The following CREBRF variants were observed in gnomAD, a reference collection of about 807,000 sequenced individuals.
The protein encoded by CREBRF is CREB3 regulatory factor.
Under a neutral mutation model 66.1 loss-of-function variants are expected in CREBRF, and 5 were observed. The ratio of observed to expected loss-of-function variants is 0.08; its 90% CI spans 0.04 to 0.16. The LOEUF (loss-of-function observed/expected upper bound fraction) is 0.16. CREBRF is among the 10% of genes least tolerant of loss of function. The probability of loss-of-function intolerance (pLI) is 1.00; values close to 1 mark genes in which losing one functional copy is unlikely to be tolerated. For synonymous variants in CREBRF, 229 were observed against 264.4 expected (o/e 0.87, Z 1.30); for missense variants, 531 against 744.9 (o/e 0.71, Z 3.34).
intron 4 of CREBRF, among the ~76,000 whole-genome samples, chr5:173,096,244 C>T (rs1489362672): frequency 6.6e-6 from 1 of 152,172 alleles, no homozygotes; most frequent in Admixed American, 6.5e-5. Context: ...GCTGGGATTA[C>T]AGGCGTGAGC....
intron 1 of CREBRF, chr5:173,057,690 G>C (rs909438190): frequency 6.6e-6 from 1 of 152,148 alleles, no homozygotes; most frequent in Non-Finnish European, 1.5e-5. Context: ...GGAGGTACTT[G>C]GATAAATAGC....
intron 7 of CREBRF, among the ~76,000 whole-genome samples, chr5:173,120,107 C>G (rs549121075): frequency 6.6e-6 from 1 of 152,072 alleles, no homozygotes; most frequent in South Asian, 2.1e-4. Context: ...GAATATTGGT[C>G]TATGATTTTT....
chr5:173,098,517 C>T (rs1273687360), intron 4 of CREBRF, among the ~76,000 whole-genome samples: 1 of 152,002 alleles, frequency 6.6e-6, no homozygotes, highest in Non-Finnish European at 1.5e-5. Context: ...GTTTTGTGGC[C>T]TAACATATGA....
chr5:173,065,232 A>AGTAT (rs1757399599), intron 1 of CREBRF, among the ~76,000 whole-genome samples: 1 of 152,202 alleles, frequency 6.6e-6, no homozygotes, highest in Non-Finnish European at 1.5e-5. Context: ...TTTGAAGATT[A>AGTAT]GTGAAGGAGG....
intron 1 of CREBRF, among the ~76,000 whole-genome samples, chr5:173,073,330 C>T (rs1347587492): frequency 6.6e-6 from 1 of 152,188 alleles, no homozygotes; most frequent in Non-Finnish European, 1.5e-5. Context: ...GATACCAAGA[C>T]TATATTACCT....
At chr5:173,118,903 AAG>A (rs1318876830) in intron 7 of CREBRF, among the ~76,000 whole-genome samples, 7 of 151,874 alleles carry the variant, frequency 4.6e-5, no homozygotes, top group Non-Finnish European at 1.5e-5. Flanking sequence ...AAAAGAAAAA[AAG>A]ATTAAAAAAA....
chr5:173,131,377 A>G (rs920148026), intron 8 of CREBRF, among the ~76,000 whole-genome samples: 4 of 152,170 alleles, frequency 2.6e-5, no homozygotes, highest in Non-Finnish European at 5.9e-5. Context: ...TTGTCTCAAT[A>G]ATGTCCATTA....
At chr5:173,130,466 G>A (rs1759396546) in intron 8 of CREBRF, among the ~76,000 whole-genome samples, 1 of 151,098 alleles carries the variant, frequency 6.6e-6, no homozygotes, top group Non-Finnish European at 1.5e-5. Context: ...ATTGTACGAT[G>A]AACATATATG....
chr5:173,131,251 A>G (rs1484209876), intron 8 of CREBRF, among the ~76,000 whole-genome samples: 3 of 152,226 alleles, frequency 2.0e-5, no homozygotes, highest in African/African-American at 7.2e-5. Flanking sequence ...CTTTGTCTCT[A>G]ACTATTTTAG....
At chr5:173,093,796 C>T (rs929158118) in intron 4 of CREBRF, among the ~76,000 whole-genome samples, 4 of 152,220 alleles carry the variant, frequency 2.6e-5, no homozygotes, top group Admixed American at 2.0e-4. Context: ...GAATTACAGG[C>T]GTGAGCCACC....
intron 4 of CREBRF, among the ~76,000 whole-genome samples, chr5:173,101,723 TA>T (rs1758632168): frequency 6.6e-6 from 1 of 152,076 alleles, no homozygotes; most frequent in African/African-American, 2.4e-5. Context: ...CTAATTTTTG[TA>T]TTTTTAGTAG....
At chr5:173,067,776 T>C (rs1462721565) in intron 1 of CREBRF, among the ~76,000 whole-genome samples, 2 of 152,110 alleles carry the variant, frequency 1.3e-5, no homozygotes, top group Non-Finnish European at 2.9e-5. Flanking sequence ...GGCGGGTGGA[T>C]CAAGAAGAGG....
At chr5:173,125,857 C>A (rs908169143) in intron 8 of CREBRF, among the ~76,000 whole-genome samples, 5 of 152,100 alleles carry the variant, frequency 3.3e-5, no homozygotes, top group Admixed American at 1.3e-4. Flanking sequence ...GAGCGAGACT[C>A]CTTTTCAAAA....
chr5:173,117,622 A>ACTCCCTCC (rs759267241), intron 7 of CREBRF, among the ~76,000 whole-genome samples: 1 of 20,236 alleles, frequency 4.9e-5, no homozygotes, highest in African/African-American at 1.8e-4. Flanking sequence ...TCCCTCCCTC[A>ACTCCCTCC]CTCCCTCCCT....
chr5:173,060,143 G>T (rs1185469667), intron 1 of CREBRF: 2 of 151,664 alleles, frequency 1.3e-5, no homozygotes, highest in African/African-American at 2.4e-5. Context: ...AAGATAAAGA[G>T]AACTGAAATC....
intron 4 of CREBRF, among the ~76,000 whole-genome samples, chr5:173,104,864 T>C (rs1480860003): frequency 6.6e-6 from 1 of 152,174 alleles, no homozygotes; most frequent in African/African-American, 2.4e-5. Flanking sequence ...GCTGGATGCC[T>C]ATAGGTAATA....
Position 173,090,851 on chromosome 5 carries a change from G to C in CREBRF, c.672G>C (p.Lys224Asn). 6.2e-7 allele frequency: 1 copy of C among 1,614,080 alleles called. No homozygotes were observed. Reference sequence around the variant, plus strand: ...AGACCAACATGTATCATAATGAAAAGGTGAACTTTCATGTTGAATGTAAAG... The same window carrying C: ...AGACCAACATGTATCATAATGAAAACGTGAACTTTCATGTTGAATGTAAAG... Reference protein sequence around the residue: ...MVKTNMYHNEKVNFHVECKDY... With the variant: ...MVKTNMYHNENVNFHVECKDY... The change falls in exon 4 of 9, where the codon AAG becomes AAC. Residue 224 changes from lysine (K) to asparagine (N), a missense_variant. Around this residue, in one of 5 missense-constraint regions of CREBRF, gnomAD observed 309 missense variants for 341.4 expected, o/e 0.90. Coordinates refer to ENST00000296953, the MANE Select transcript of CREBRF (RefSeq NM_153607.3). The surrounding 1 kb of genome is among the most constrained non-coding windows in gnomAD (Gnocchi z 4.5).
intron 1 of CREBRF, among the ~76,000 whole-genome samples, chr5:173,076,365 G>A (rs534541956): frequency 3.9e-5 from 6 of 152,274 alleles, no homozygotes; most frequent in South Asian, 4.1e-4. Context: ...CATTCAAACC[G>A]TAGCATCTTC....
chr5:173,092,539 T>A (rs113347890), intron 4 of CREBRF, among the ~76,000 whole-genome samples: 4,539 of 152,254 alleles, frequency 0.03, 214 homozygotes, highest in African/African-American at 0.1. Flanking sequence ...TAAACTAAAG[T>A]TATCTTCTTC....
Sources: allele counts gnomAD v4.1 joint callset (sites outside exome capture counted in the v4.1 genomes callset), GRCh38; gene constraint gnomAD v4.1.1; regional missense constraint gnomAD v4.1.1; non-coding constraint Gnocchi (gnomAD v3.1); transcripts MANE v1.5; gene names NCBI Gene and HGNC (gene_info 2026-07-23, HGNC 2026-07-21).